TENM1: variants seen among roughly 807,000 people sequenced by gnomAD.
TENM1 encodes the protein teneurin transmembrane protein 1.
A neutral mutation model predicts 174.8 loss-of-function variants in TENM1; 35 were observed. The observed-to-expected ratio is 0.20, with a 90% CI of 0.15 to 0.27. The LOEUF is 0.27. TENM1 is among the 10% of genes least tolerant of loss of function. TENM1 has a pLI of 1.00. For missense variants in TENM1, 1,633 were observed against 2,130.1 expected, an observed-to-expected ratio of 0.77 and a Z score of 4.59; for synonymous variants, 781 against 798.7, an observed-to-expected ratio of 0.98 and a Z score of 0.37.
chrX:124,679,521 A>G (rs1047997752), intron 5 of TENM1, among the ~76,000 whole-genome samples: 2 of 112,248 alleles, frequency 1.8e-5, no homozygotes, highest in Admixed American at 1.9e-4. Flanking sequence ...AAGGAATATC[A>G]CTGCAAAAAT....
the TENM1 span, among the ~76,000 whole-genome samples, chrX:125,009,072 C>CA: frequency 3.6e-5 from 3 of 83,960 alleles, no homozygotes; most frequent in Non-Finnish European, 4.6e-5. Flanking sequence ...AAAAACCCTT[C>CA]AAAAAATCAA....
rs189043296 is a variant in TENM1 at position 124,805,615 on chromosome X, G to A, written c.536-68418C>T. Among the ~76,000 whole-genome samples the A allele has an allele frequency of 2.8e-3, 315 of 112,535 alleles. 1 individual carries two copies. Among genetic ancestry groups the A allele is most frequent in the African/African-American group, 9.1e-3 (281 of 30,969 alleles). ...GATATCTACAGTGGCCGTGGGCCCT[G>A]GATAAATGTCAGTGGCAAGCAGGCC... On this transcript the variant is annotated intron_variant, in intron 3 of 31. Transcript: ENST00000422452.
At chrX:124,450,229 G>T (rs1317268987) in intron 23 of TENM1, among the ~76,000 whole-genome samples, 1 of 110,491 alleles carries the variant, frequency 9.1e-6, no homozygotes, top group African/African-American at 3.3e-5. Context: ...GCGTGATGGC[G>T]GGTGCCTGTA....
intron 6 of TENM1, 32 bp downstream of exon 9, chrX:124,671,651 T>C: frequency 8.5e-7 from 1 of 1,182,734 alleles, no homozygotes; most frequent in Non-Finnish European, 1.1e-6. Flanking sequence ...AGAAGAAAAG[T>C]AATCAACAAT....
In TENM1 at chrX:124,905,298, C is replaced by CATAA. The variant is rs200147754; in HGVS notation, c.218-9061_218-9058dup. ...CCTAGGTGACAGTGTGAGACCTCAT[C>CATAA]ATAAATAAATAAATAAATGAATGAA... On this transcript the variant is annotated intron_variant, in intron 1 of 31. Coordinates refer to ENST00000422452, the Ensembl canonical transcript of TENM1. 2.6e-3 allele frequency among the ~76,000 whole-genome samples: 293 copies of CATAA among 110,968 alleles called. 1 individual carries two copies. Among genetic ancestry groups the CATAA allele is most frequent in the Middle Eastern group, 4.6e-3 (1 of 216 alleles).
the TENM1 span, among the ~76,000 whole-genome samples, chrX:125,058,243 C>G: frequency 9.0e-6 from 1 of 111,508 alleles, no homozygotes; most frequent in African/African-American, 3.2e-5. Context: ...AAAGTTCCAT[C>G]TCATTCACTG....
chrX:125,073,097 GTATGT>G, the TENM1 span, among the ~76,000 whole-genome samples: 1 of 111,266 alleles, frequency 9.0e-6, no homozygotes, highest in African/African-American at 3.3e-5. Flanking sequence ...AGGAAAATTT[GTATGT>G]TGTATGTTAT....
At chrX:124,715,667 T>C (rs1341008030) in intron 4 of TENM1, among the ~76,000 whole-genome samples, 2 of 109,973 alleles carry the variant, frequency 1.8e-5, no homozygotes, top group African/African-American at 6.6e-5. Flanking sequence ...TCTTTCTTTC[T>C]TTTTGAGACA....
At chrX:124,680,036 A>G (rs929339576) in intron 5 of TENM1, among the ~76,000 whole-genome samples, 1 of 111,725 alleles carries the variant, frequency 9.0e-6, no homozygotes, top group African/African-American at 3.2e-5. Flanking sequence ...CTTTGAAAGA[A>G]AGAACTTCGC....
intron 11 of TENM1, among the ~76,000 whole-genome samples, chrX:124,592,679 C>A (rs1469967546): frequency 1.8e-5 from 2 of 109,620 alleles, no homozygotes; most frequent in African/African-American, 6.7e-5. Flanking sequence ...AGGCGATCTG[C>A]TCCCCACCCC....
At chrX:125,042,756 T>C in the TENM1 span, among the ~76,000 whole-genome samples, 9 of 111,251 alleles carry the variant, frequency 8.1e-5, no homozygotes, top group African/African-American at 2.9e-4. Context: ...TAATATATAT[T>C]AAGTGAGCCT....
At chrX:125,156,376 C>T in the TENM1 span, among the ~76,000 whole-genome samples, 2 of 111,612 alleles carry the variant, frequency 1.8e-5, no homozygotes, top group Non-Finnish European at 3.8e-5. Flanking sequence ...AAGCATAGTA[C>T]CCAATAGGTA....
chrX:125,121,447 T>A, the TENM1 span, among the ~76,000 whole-genome samples: 26 of 112,397 alleles, frequency 2.3e-4, no homozygotes, highest in African/African-American at 8.1e-4. Flanking sequence ...GCCATACTTA[T>A]TTAATCTCTA....
chrX:125,007,351 A>G, the TENM1 span, among the ~76,000 whole-genome samples: 2 of 102,644 alleles, frequency 1.9e-5, no homozygotes, highest in East Asian at 5.8e-4. Flanking sequence ...AGGAACGAGA[A>G]AAAAAAAAAA....
chrX:125,079,646 C>T, the TENM1 span, among the ~76,000 whole-genome samples: 6 of 111,640 alleles, frequency 5.4e-5, no homozygotes, highest in Non-Finnish European at 9.4e-5. Flanking sequence ...TTCTTGACTA[C>T]GTTATTTCTC....
At chrX:124,567,016 G>A (rs1294093993) in intron 11 of TENM1, among the ~76,000 whole-genome samples, 4 of 111,511 alleles carry the variant, frequency 3.6e-5, no homozygotes, top group Non-Finnish European at 7.5e-5. Flanking sequence ...GCTCAAAATT[G>A]GATATAAGGG....
intron 3 of TENM1, among the ~76,000 whole-genome samples, chrX:124,790,700 T>C (rs1032676663): frequency 8.9e-6 from 1 of 111,941 alleles, no homozygotes; most frequent in Non-Finnish European, 1.9e-5. Flanking sequence ...GACAAGTTTA[T>C]TTTTCTCTAT....
At chrX:124,690,016 G>A (rs1289498406) in intron 5 of TENM1, among the ~76,000 whole-genome samples, 1 of 111,483 alleles carries the variant, frequency 9.0e-6, no homozygotes, top group Non-Finnish European at 1.9e-5. Context: ...ACCTAATTTG[G>A]ATGAGACTAT....
At chrX:125,200,654 T>TGTGAGAGAGAGAGAGAGAGAGA in the TENM1 span, among the ~76,000 whole-genome samples, 5 of 92,420 alleles carry the variant, frequency 5.4e-5, no homozygotes, top group African/African-American at 1.7e-4. Context: ...TGTGTGTGTG[T>TGTGAGAGAGAGAGAGAGAGAGA]GAGAGAGAGA....
Sources: gnomAD v4.1 joint callset for allele counts (sites outside exome capture counted in the v4.1 genomes callset) on GRCh38, gnomAD v4.1.1 for gene constraint, MANE v1.5 for transcripts, NCBI Gene and HGNC (gene_info 2026-07-23, HGNC 2026-07-21) for gene names.